The following NUP188 variants were observed in gnomAD, a reference collection of about 807,000 sequenced individuals.
The protein encoded by NUP188 is nucleoporin NUP188.
NUP188 carries 97 observed loss-of-function variants against 223.0 expected under a neutral mutation model. The observed-to-expected ratio is 0.43, with a 90% confidence interval of 0.37 to 0.51. NUP188 has a LOEUF of 0.51. NUP188 is among the 20% of genes least tolerant of loss of function. The pLI, the probability that NUP188 is intolerant of heterozygous loss-of-function variation, is 0.00. For missense variants in NUP188, 1,947 were observed against 2,175.6 expected, an observed-to-expected ratio of 0.89 and a Z score of 2.09; for synonymous variants, 869 against 828.0, an observed-to-expected ratio of 1.05 and a Z score of -0.85.
chr9:128,968,393 C>T (rs1842060903), intron 8 of NUP188, 113 bp from the exon 9 acceptor site: 2 of 768,466 alleles, frequency 2.6e-6, no homozygotes, highest in Non-Finnish European at 4.3e-6. Flanking sequence ...TAATCTGCCA[C>T]TGCACTGTAT....
In NUP188 at chr9:128,990,235, G is replaced by C. The variant is rs369356929; in HGVS notation, c.2640+9G>C. ...TGAAACGTCTGGCCACGGTAGGATC[G>C]TACTTCATGCACACACACTGTTTAT... On this transcript the variant is annotated intron_variant, in intron 25 of 43. Coordinates refer to ENST00000372577, the MANE Select transcript of NUP188 (RefSeq NM_015354.3). 4 of 1,597,618 alleles carry C rather than the reference G, an allele frequency of 2.5e-6. No homozygotes were observed. The highest frequency in any genetic ancestry group is 3.4e-6 in the Non-Finnish European group (4 of 1,165,042).
At chr9:128,957,398 T>G (rs190830003) in intron 5 of NUP188, among the ~76,000 whole-genome samples, 14 of 151,772 alleles carry the variant, frequency 9.2e-5, no homozygotes, top group Admixed American at 7.2e-4. Flanking sequence ...CTTGGAGGAG[T>G]GGAGAGGTCA....
intron 8 of NUP188, among the ~76,000 whole-genome samples, chr9:128,962,528 C>T (rs1305696896): frequency 6.6e-6 from 1 of 152,070 alleles, no homozygotes; most frequent in Non-Finnish European, 1.5e-5. Flanking sequence ...GGACTACAGG[C>T]GTGAGCCACT....
chr9:128,956,900 A>G, intron 4 of NUP188, 52 bp from the exon 5 acceptor site: 1 of 1,252,512 alleles, frequency 8.0e-7, no homozygotes. Context: ...AATTCTCTGC[A>G]TCCTGTGTGC....
Position 128,998,126 on chromosome 9 carries a change from G to A in NUP188, c.3352-25G>A, listed in dbSNP as rs371801923. ...TAAAATCTGGAAAATTTTCCCAGCT[G>A]AAACCTTTTTCTGTTCCTTTGCAGG... On this transcript the variant is annotated intron_variant, in intron 30 of 43. Transcript: ENST00000372577. 9.4e-6 allele frequency: 15 copies of A among 1,601,004 alleles called. No homozygotes were observed. In the African/African-American group the frequency reaches 2.0e-4, roughly 21 times the overall value.
chr9:128,987,972 A>G, intron 23 of NUP188, 75 bp from the exon 24 acceptor site: 1 of 1,496,972 alleles, frequency 6.7e-7, no homozygotes, highest in Middle Eastern at 1.7e-4. Flanking sequence ...GTTGGAATCT[A>G]ATTCATGAGA....
Position 128,998,137 on chromosome 9 carries a change from C to A in NUP188, c.3352-14C>A. 1 of 1,610,442 alleles carries A rather than the reference C, an allele frequency of 6.2e-7. No homozygotes were observed. Among genetic ancestry groups the A allele is most frequent in the Non-Finnish European group, 8.5e-7 (1 of 1,176,754 alleles). ...AAATTTTCCCAGCTGAAACCTTTTT[C>A]TGTTCCTTTGCAGGCAGATATAATG... On this transcript the variant is annotated splice_polypyrimidine_tract_variant and intron_variant, in intron 30 of 43. Transcript: ENST00000372577.
Position 128,967,561 on chromosome 9 carries a change from G to T in NUP188, c.586-945G>T, listed in dbSNP as rs537004031. On this transcript the variant is annotated intron_variant, in intron 8 of 43. Transcript: ENST00000372577. ...ATCCCAGCACTCGGGAGGCCAAGGT[G>T]GGCGGATCACCTGAGGTCAGGAGTT... Among the ~76,000 whole-genome samples, 65 of 151,834 alleles carry T rather than the reference G, an allele frequency of 4.3e-4. 1 individual carries two copies. The highest frequency in any genetic ancestry group is 2.2e-3 in the Admixed American group (33 of 15,244).
chr9:128,997,198 C>T lies in NUP188; in HGVS notation c.3352-953C>T, dbSNP rs868278178. ...GAGGAGAGAAGTCTAGGCAGATGGA[C>T]TTGCAAGTGCAAAGTTCCAGCAGTG... On this transcript the variant is annotated intron_variant, in intron 30 of 43. Coordinates refer to ENST00000372577, the MANE Select transcript of NUP188 (RefSeq NM_015354.3). 1.4e-4 allele frequency among the ~76,000 whole-genome samples: 21 copies of T among 152,248 alleles called. 1 individual carries two copies. The highest frequency in any genetic ancestry group is 6.2e-4 in the South Asian group (3 of 4,818).
At chr9:128,971,012 T>C in intron 11 of NUP188, 54 bp downstream of exon 11, 1 of 1,337,990 alleles carries the variant, frequency 7.5e-7, no homozygotes, top group East Asian at 2.3e-5. Context: ...AGAAGCATTA[T>C]AATAATGTAA....
chr9:128,957,117 T>G (rs1841882249), intron 5 of NUP188, 85 bp downstream of exon 5: 1 of 917,404 alleles, frequency 1.1e-6, no homozygotes, highest in Non-Finnish European at 1.7e-6. Context: ...TGGCACCAAT[T>G]CTTTTATCGG....
intron 22 of NUP188, among the ~76,000 whole-genome samples, 189 bp downstream of exon 22, chr9:128,987,064 T>TGA (rs137999231): frequency 0.18 from 20,297 of 109,724 alleles, 1,697 homozygotes; most frequent in Non-Finnish European, 0.23. Context: ...GAAGTAGGAA[T>TGA]GAGAGAGAGA....
intron 30 of NUP188, 128 bp downstream of exon 30, chr9:128,995,642 T>C: frequency 1.3e-6 from 1 of 796,122 alleles, no homozygotes; most frequent in Non-Finnish European, 2.0e-6. Flanking sequence ...TAAACTGTAA[T>C]AGGTTCTATG....
intron 8 of NUP188, among the ~76,000 whole-genome samples, chr9:128,966,180 G>C (rs1842026726): frequency 1.5e-5 from 2 of 136,892 alleles, no homozygotes; most frequent in African/African-American, 5.6e-5. Flanking sequence ...CGTGTGCCCA[G>C]CCTTGTTCTT....
At chr9:128,989,409 A>C (rs1029010397) in intron 24 of NUP188, among the ~76,000 whole-genome samples, 1 of 152,028 alleles carries the variant, frequency 6.6e-6, no homozygotes, top group East Asian at 1.9e-4. Context: ...CTCAAAAAGA[A>C]AAAAAGATAG....
At chr9:128,998,855 TC>T (rs1238792892) in intron 32 of NUP188, among the ~76,000 whole-genome samples, 2 of 134,382 alleles carry the variant, frequency 1.5e-5, no homozygotes, top group African/African-American at 5.2e-5. Context: ...CACCCCGTAT[TC>T]TTTTTTTTTT....
intron 8 of NUP188, among the ~76,000 whole-genome samples, chr9:128,961,539 C>T (rs1034384544): frequency 2.0e-5 from 3 of 149,910 alleles, no homozygotes; most frequent in African/African-American, 7.4e-5. Flanking sequence ...AAATAAATAA[C>T]CAAAGGGAAA....
chr9:129,004,630 G>C (rs929182011), intron 38 of NUP188: 2 of 154,440 alleles, frequency 1.3e-5, no homozygotes, highest in African/African-American at 4.8e-5. Flanking sequence ...TCAGCCTCCC[G>C]AGTAGCTGGG....
Position 128,983,278 on chromosome 9 carries a change from T to C in NUP188, c.1797-15T>C, listed in dbSNP as rs1470152108. ...TATTTGCTTTATTGAGTATAGTGTA[T>C]TGTTCTCCAACCAGGTTAACGACAG... is the stretch of plus-strand genomic sequence containing the variant. On this transcript the variant is annotated splice_polypyrimidine_tract_variant and intron_variant, in intron 17 of 43. Coordinates refer to ENST00000372577, the MANE Select transcript of NUP188 (RefSeq NM_015354.3). 1 of 1,609,286 alleles carries C rather than the reference T, an allele frequency of 6.2e-7. No individual in the cohort carries two copies. The highest frequency in any genetic ancestry group is 1.3e-5 in the African/African-American group (1 of 74,836).
Sources: allele counts gnomAD v4.1 joint callset (sites outside exome capture counted in the v4.1 genomes callset), GRCh38; gene constraint gnomAD v4.1.1; transcripts MANE v1.5; gene names NCBI Gene and HGNC (gene_info 2026-07-23, HGNC 2026-07-21).